The following PSD2 variants were observed in gnomAD, a reference collection of about 807,000 sequenced individuals.
The protein encoded by PSD2 is pleckstrin and Sec7 domain containing 2.
PSD2 carries 38 observed loss-of-function variants against 69.8 expected under a neutral mutation model. That is an observed-to-expected ratio of 0.54 (90% CI 0.42 to 0.71). The LOEUF (loss-of-function observed/expected upper bound fraction) is 0.71, where lower values mean the gene tolerates loss of function less well. Ranked by LOEUF, PSD2 falls within the 30% of genes least tolerant of loss-of-function variation. PSD2 has a pLI of 0.00. For synonymous variants in PSD2, 412 were observed against 423.0 expected, an observed-to-expected ratio of 0.97 and a Z score of 0.32; for missense variants, 943 against 1,014.5, an observed-to-expected ratio of 0.93 and a Z score of 0.96.
chr5:139,782,307 C>A, the PSD2 span, among the ~76,000 whole-genome samples: 1 of 152,012 alleles, frequency 6.6e-6, no homozygotes, highest in Non-Finnish European at 1.5e-5. Flanking sequence ...CCTCAGCCTC[C>A]CAAGTAGCTG....
chr5:139,803,892 A>G (rs893588381), intron 1 of PSD2, among the ~76,000 whole-genome samples: 1 of 152,096 alleles, frequency 6.6e-6, no homozygotes, highest in Non-Finnish European at 1.5e-5. Context: ...CCTTAACTCC[A>G]GGCCCCTTGG....
At chr5:139,826,960 A>G (rs1325434919) in intron 7 of PSD2, among the ~76,000 whole-genome samples, 1 of 152,188 alleles carries the variant, frequency 6.6e-6, no homozygotes, top group Non-Finnish European at 1.5e-5. Context: ...CTACCACAGA[A>G]GCTCCCAGAA....
chr5:139,842,251 T>C lies in PSD2; in HGVS notation c.2113-20T>C. On this transcript the variant is annotated intron_variant, in intron 14 of 14. Transcript: ENST00000274710. The stretch of plus-strand genomic sequence containing the variant: ...TTCCTATTTTGTTGTCTTTTGACCT[T>C]GTGTTTGGCCTTTCCCCAGAAAAGC... 3.7e-6 allele frequency: 6 copies of C among 1,609,324 alleles called. No homozygotes were observed. In the South Asian group the frequency reaches 6.6e-5, roughly 18 times the overall value.
At chr5:139,748,436 A>G in the PSD2 span, among the ~76,000 whole-genome samples, 1 of 152,000 alleles carries the variant, frequency 6.6e-6, no homozygotes, top group African/African-American at 2.4e-5. Context: ...TTCCAATTAC[A>G]CACCTGACCG....
Position 139,842,642 on chromosome 5 carries a change from A to T in PSD2, c.*168A>T, listed in dbSNP as rs1760903827. The T allele has an allele frequency of 3.2e-6, 2 of 627,970 alleles. No individual in the cohort carries two copies. Among genetic ancestry groups the T allele is most frequent in the Non-Finnish European group, 5.6e-6 (2 of 360,110 alleles). 38.9% of individuals were successfully genotyped at this position (627,970 alleles called of 1,614,324 possible). On this transcript the variant is annotated 3_prime_UTR_variant, in exon 15 of 15. Transcript: ENST00000274710. ...GATGGAGATGCCGTTTGTGGCGTTG[A>T]TCTCCTTGCGTCCTTGGGCATCTCC... is the stretch of plus-strand genomic sequence containing the variant.
rs369278933 is a variant in PSD2, at chr5:139,842,422, G to A, written c.2264G>A (p.Gly755Asp). 7 of 1,614,152 alleles carry A rather than the reference G, an allele frequency of 4.3e-6. No homozygotes were observed. The highest frequency in any genetic ancestry group is 5.9e-6 in the Non-Finnish European group (7 of 1,180,032). The change falls in exon 15 of 15, where the codon GGC (glycine) becomes GAC (aspartate). Residue 755 changes from glycine (G) to aspartate (D), a missense_variant. Physicochemically the swap from Gly to Asp is moderately conservative, Grantham distance 94 (BLOSUM62 -1). Around this residue, in one of 3 missense-constraint regions of PSD2, gnomAD observed 165 missense variants for 168.8 expected, o/e 0.98. Transcript: ENST00000274710. ...CATTCAAGCCCTGCCCTCAGCCAGG[G>A]CCATGTGACTGGCAGCAAAACCACA... ...KTHSSPALSQ[G>D]HVTGSKTTKD...
At chr5:139,784,861 T>G in the PSD2 span, among the ~76,000 whole-genome samples, 1 of 152,078 alleles carries the variant, frequency 6.6e-6, no homozygotes, top group Admixed American at 6.5e-5. Context: ...TTCAAATGAT[T>G]TTCCTGTCTC....
chr5:139,795,639 G>A (rs1244662296), upstream of PSD2, among the ~76,000 whole-genome samples: 3 of 151,850 alleles, frequency 2.0e-5, no homozygotes, highest in Admixed American at 1.3e-4. This position sits in a 1 kb window ranked among gnomAD's most constrained non-coding sequence, Gnocchi z 4.5. Flanking sequence ...CGGCACGCTC[G>A]GGGTCCCGGG....
rs768935451 is a variant in PSD2, at chr5:139,830,592, T to C, written c.1270-3110T>C. On this transcript the variant is annotated intron_variant, in intron 7 of 14. Coordinates refer to ENST00000274710, the MANE Select transcript of PSD2 (RefSeq NM_032289.4). ...TTTCTTTCTTTCTTTCTTTCTTTCT[T>C]TTTCTTTCTTTCTTTCTCTTTCTTT... 2.2e-3 allele frequency among the ~76,000 whole-genome samples: 189 copies of C among 85,726 alleles called. 1 individual carries two copies. Among genetic ancestry groups the C allele is most frequent in the African/African-American group, 8.2e-3 (152 of 18,604 alleles). The allele number at this position is 85,726 out of a possible 152,430, so 56.2% of individuals were successfully genotyped here. A position where few individuals can be genotyped will look rare whatever the true frequency, so the allele number is the denominator to read the frequency against.
the PSD2 span, among the ~76,000 whole-genome samples, chr5:139,770,295 G>A: frequency 6.6e-6 from 1 of 152,304 alleles, no homozygotes; most frequent in East Asian, 1.9e-4. Context: ...GGTGACTCAC[G>A]CCTGTAATCC....
intron 1 of PSD2, among the ~76,000 whole-genome samples, chr5:139,798,688 G>C (rs1449942194): frequency 6.6e-6 from 1 of 151,874 alleles, no homozygotes; most frequent in African/African-American, 2.4e-5. Flanking sequence ...TCAATCTTTT[G>C]AAAGTAAGTT....
chr5:139,836,394 C>A (rs930134345), intron 9 of PSD2, among the ~76,000 whole-genome samples: 2 of 152,162 alleles, frequency 1.3e-5, no homozygotes, highest in African/African-American at 4.8e-5. Context: ...CATGGGGGCC[C>A]AGGCTTCAGG....
intron 8 of PSD2, among the ~76,000 whole-genome samples, chr5:139,834,499 C>G (rs897249613): frequency 6.6e-6 from 1 of 150,824 alleles, no homozygotes; most frequent in Non-Finnish European, 1.5e-5. Context: ...GGGGATCTCA[C>G]TATGTTGCCC....
intron 13 of PSD2, 60 bp downstream of exon 13, chr5:139,838,832 C>T (rs573631669): frequency 2.4e-4 from 369 of 1,558,302 alleles, no homozygotes; most frequent in Admixed American, 1.3e-3. Flanking sequence ...CCCAGGCCCC[C>T]ATCCAGCAGC....
chr5:139,787,873 C>T, the PSD2 span, among the ~76,000 whole-genome samples: 1 of 152,238 alleles, frequency 6.6e-6, no homozygotes, highest in Admixed American at 6.5e-5. Context: ...GCACGGCCTT[C>T]GGAGACAGCC....
chr5:139,759,412 C>CCTTG, the PSD2 span, among the ~76,000 whole-genome samples: 1 of 152,066 alleles, frequency 6.6e-6, no homozygotes, highest in Non-Finnish European at 1.5e-5. Context: ...TGCCCCCGAT[C>CCTTG]GCGGTCACCC....
chr5:139,836,521 G>C (rs1050678750), intron 9 of PSD2, among the ~76,000 whole-genome samples: 1 of 152,216 alleles, frequency 6.6e-6, no homozygotes, highest in Non-Finnish European at 1.5e-5. Flanking sequence ...CTAGGAAGGA[G>C]ACCTGGTGAC....
At chr5:139,795,788 G>C (rs1391971895), upstream of PSD2, 1 of 151,408 alleles carries the variant, frequency 6.6e-6, no homozygotes, top group Admixed American at 6.6e-5. This position sits in a 1 kb window ranked among gnomAD's most constrained non-coding sequence, Gnocchi z 4.5. Flanking sequence ...TCCAGCTCAC[G>C]GCTCCGCTCC....
At chr5:139,802,335 G>A (rs1016024512) in intron 1 of PSD2, among the ~76,000 whole-genome samples, 2 of 152,042 alleles carry the variant, frequency 1.3e-5, no homozygotes, top group Admixed American at 1.3e-4. Context: ...CTGTCTCTTG[G>A]CTGTTGAAGC....
Sources: allele counts gnomAD v4.1 joint callset (sites outside exome capture counted in the v4.1 genomes callset), GRCh38; gene constraint gnomAD v4.1.1; regional missense constraint gnomAD v4.1.1; non-coding constraint Gnocchi (gnomAD v3.1); transcripts MANE v1.5; gene names NCBI Gene and HGNC (gene_info 2026-07-23, HGNC 2026-07-21).